Variants in TMEM68 observed in about 807,000 individuals in gnomAD.
The protein encoded by TMEM68 is DGAT1/2-independent enzyme synthesizing storage lipids.
In TMEM68, 25 loss-of-function variants were observed where a neutral mutation model predicts 36.9. The observed-to-expected ratio is 0.68, with a 90% CI of 0.49 to 0.95. The LOEUF is 0.95. Among genes scored for constraint, TMEM68 ranks in the 40% least tolerant of loss-of-function variants. The pLI, the probability that TMEM68 is intolerant of heterozygous loss-of-function variation, is 0.00. For missense variants in TMEM68, 333 were observed against 392.0 expected (o/e 0.85, Z 1.27); for synonymous variants, 131 against 124.4 (o/e 1.05, Z -0.35).
At chr8:55,742,512 T>C (rs1484807066) in intron 7 of TMEM68, among the ~76,000 whole-genome samples, 1 of 152,180 alleles carries the variant, frequency 6.6e-6, no homozygotes, top group Non-Finnish European at 1.5e-5. Flanking sequence ...CCAAAGACTA[T>C]ATAAAAGTCA....
chr8:55,761,210 A>G, intron 3 of TMEM68: 1 of 152,236 alleles, frequency 6.6e-6, no homozygotes, highest in East Asian at 1.9e-4. Context: ...GTATCAGTGC[A>G]TTACCACTCT....
chr8:55,764,802 G>A (rs1462931126), intron 1 of TMEM68, among the ~76,000 whole-genome samples: 1 of 152,228 alleles, frequency 6.6e-6, no homozygotes, highest in Non-Finnish European at 1.5e-5. Context: ...GCTGGGCGCA[G>A]TGGCTCACTC....
intron 3 of TMEM68, chr8:55,761,604 G>A (rs1245779676): frequency 6.6e-6 from 1 of 152,120 alleles, no homozygotes. Flanking sequence ...GTACCACATA[G>A]ACTCCATTAT....
At chr8:55,746,607 T>C (rs568034591) in intron 5 of TMEM68, 1 of 152,278 alleles carries the variant, frequency 6.6e-6, no homozygotes, top group African/African-American at 2.4e-5. Context: ...AGTATTACAT[T>C]ACTTACAGTC....
Position 55,740,123 on chromosome 8 carries a change from C to T in TMEM68, c.*9G>A, listed in dbSNP as rs200294454. 1.0e-5 allele frequency: 16 copies of T among 1,606,162 alleles called. No homozygotes were observed. In the South Asian group the frequency reaches 1.4e-4, roughly 14 times the overall value. ...TGTACTAAATCATCTTCTAGTTGACCCTTTGTTATCAATGAAAACGTTCTA... is the reference window on the plus strand; with the variant it reads ...TGTACTAAATCATCTTCTAGTTGACTCTTTGTTATCAATGAAAACGTTCTA... On this transcript the variant is annotated 3_prime_UTR_variant, in exon 8 of 8. Coordinates refer to ENST00000434581, the MANE Select transcript of TMEM68 (RefSeq NM_001286657.2).
At position 55,773,287 on chromosome 8, in the gene TMEM68, G is replaced by A. The variant is rs938361406; in HGVS notation, c.-133C>T. ...CCTTTACCCTAGAGCGGCGACAGAA[G>A]CTCTTCGGGGGATCAGTGGCCAAGG... On this transcript the variant is annotated 5_prime_UTR_variant, in exon 1 of 8. Coordinates refer to ENST00000434581, the MANE Select transcript of TMEM68 (RefSeq NM_001286657.2). 6 of 195,686 alleles carry A rather than the reference G, an allele frequency of 3.1e-5. No homozygotes were observed. Among genetic ancestry groups the A allele is most frequent in the Non-Finnish European group, 6.3e-5 (6 of 95,602 alleles). The allele number at this position is 195,686 out of a possible 1,614,324, so 12.1% of individuals were successfully genotyped here.
chr8:55,760,115 T>C (rs879817950), intron 3 of TMEM68, among the ~76,000 whole-genome samples: 39 of 152,282 alleles, frequency 2.6e-4, no homozygotes, highest in Non-Finnish European at 4.4e-4. Context: ...TGCTGTTCTC[T>C]ATATGGCTAC....
intron 1 of TMEM68, 86 bp from the exon 2 acceptor site, chr8:55,764,066 A>C (rs1407835957): frequency 4.6e-5 from 7 of 152,192 alleles, no homozygotes; most frequent in African/African-American, 1.4e-4. Context: ...GCATTTCTAT[A>C]AAATAAACAG....
At position 55,755,999 on chromosome 8, in the gene TMEM68, C is replaced by T. The variant is rs185948846; in HGVS notation, c.493+245G>A. The stretch of plus-strand genomic sequence containing the variant: ...AATACAATTTTCACTTAAAAATAAA[C>T]AATTTTAAAATGTATAAAATAAAAA... On this transcript the variant is annotated intron_variant, in intron 4 of 7. Coordinates refer to ENST00000434581, the MANE Select transcript of TMEM68 (RefSeq NM_001286657.2). Among the ~76,000 whole-genome samples the T allele has an allele frequency of 3.1e-3, 471 of 151,774 alleles. 5 individuals are homozygous for T. Among genetic ancestry groups the T allele is most frequent in the African/African-American group, 0.01 (417 of 41,450 alleles).
At chr8:55,763,760 C>T (rs550304531) in intron 2 of TMEM68, 176 bp downstream of exon 2, 1 of 5,182 alleles carries the variant, frequency 1.9e-4, no homozygotes, top group African/African-American at 3.6e-4. Context: ...CAATTCTTTA[C>T]GAAATGATTA....
intron 4 of TMEM68, among the ~76,000 whole-genome samples, chr8:55,755,819 GAA>G (rs1178342711): frequency 2.0e-5 from 3 of 151,694 alleles, no homozygotes; most frequent in African/African-American, 4.8e-5. Flanking sequence ...GCTTATAAAG[GAA>G]AAAGTTACTA....
At chr8:55,759,960 A>T (rs1489549006) in intron 3 of TMEM68, among the ~76,000 whole-genome samples, 1 of 152,248 alleles carries the variant, frequency 6.6e-6, no homozygotes, top group African/African-American at 2.4e-5. Flanking sequence ...CTGTAAACAG[A>T]AGAAAGGGTT....
At chr8:55,765,206 T>C (rs972600531) in intron 1 of TMEM68, among the ~76,000 whole-genome samples, 2 of 152,242 alleles carry the variant, frequency 1.3e-5, no homozygotes, top group Admixed American at 6.5e-5. Context: ...AACTTTTCCC[T>C]ACTGGACCTA....
chr8:55,748,569 G>A (rs1258244699), intron 5 of TMEM68, among the ~76,000 whole-genome samples: 3 of 151,620 alleles, frequency 2.0e-5, no homozygotes, highest in Non-Finnish European at 2.9e-5. Context: ...AGGGAGGGGA[G>A]GGAGGAAGGG....
intron 5 of TMEM68, chr8:55,746,042 CGGTGGCTTGTGCCTGT>C (rs1810261329): frequency 7.0e-6 from 1 of 142,694 alleles, no homozygotes; most frequent in African/African-American, 2.5e-5. Flanking sequence ...TGGCCAGGTG[CGGTGGCTTGTGCCTGT>C]AATCCCAGCA....
Position 55,744,785 on chromosome 8 carries a change from C to A in TMEM68, c.748+276G>T, listed in dbSNP as rs191755061. 5.3e-5 allele frequency among the ~76,000 whole-genome samples: 8 copies of A among 152,178 alleles called. No individual in the cohort carries two copies. The East Asian group carries it at 1.5e-3, about 29-fold the overall frequency. On this transcript the variant is annotated intron_variant, in intron 6 of 7. Coordinates refer to ENST00000434581, the MANE Select transcript of TMEM68 (RefSeq NM_001286657.2). The stretch of plus-strand genomic sequence containing the variant: ...TGTAAATGTATTCTAAACCTTGTCA[C>A]CATGGTTTAAAACAATAAACTAGCT...
At chr8:55,744,123 A>C (rs1006612843) in intron 6 of TMEM68, among the ~76,000 whole-genome samples, 1 of 151,728 alleles carries the variant, frequency 6.6e-6, no homozygotes, top group African/African-American at 2.4e-5. Context: ...AAAAGGAAGA[A>C]TAAATTTATG....
chr8:55,748,579 G>T (rs4738459), intron 5 of TMEM68, among the ~76,000 whole-genome samples: 24,082 of 151,290 alleles, frequency 0.16, 2,364 homozygotes, highest in East Asian at 0.29. Flanking sequence ...GGGAGGAAGG[G>T]GGGGAGAGAG....
At chr8:55,756,797 G>A (rs2316665) in intron 3 of TMEM68, among the ~76,000 whole-genome samples, 24,529 of 152,056 alleles carry the variant, frequency 0.16, 2,427 homozygotes, top group East Asian at 0.31. Flanking sequence ...CAAGGGTCAC[G>A]GAAGCTTGGG....
Sources: allele counts gnomAD v4.1 joint callset (sites outside exome capture counted in the v4.1 genomes callset), GRCh38; gene constraint gnomAD v4.1.1; transcripts MANE v1.5; gene names NCBI Gene and HGNC (gene_info 2026-07-23, HGNC 2026-07-21).